Variants in MCOLN2 observed in about 807,000 individuals in gnomAD.
The protein encoded by MCOLN2 is mucolipin TRP cation channel 2.
In MCOLN2, 57 loss-of-function variants were observed where a neutral mutation model predicts 67.5. That is an observed-to-expected ratio of 0.84 (90% confidence interval 0.68 to 1.05). The LOEUF (loss-of-function observed/expected upper bound fraction) is 1.05, where lower values mean the gene tolerates loss of function less well. Among genes scored for constraint, MCOLN2 ranks in the 50% least tolerant of loss-of-function variants. The probability of loss-of-function intolerance (pLI) is 0.00; values close to 1 mark genes in which losing one functional copy is unlikely to be tolerated. For missense variants in MCOLN2, 620 were observed against 678.8 expected (o/e 0.91, Z 0.96); for synonymous variants, 246 against 233.3 (o/e 1.05, Z -0.50).
intron 6 of MCOLN2, among the ~76,000 whole-genome samples, chr1:84,950,127 G>A (rs1409279657): frequency 6.6e-6 from 1 of 152,120 alleles, no homozygotes; most frequent in Non-Finnish European, 1.5e-5. Context: ...TACAATTAGA[G>A]GCTAAGGAAC....
chr1:84,983,175 T>C (rs1340785062), intron 1 of MCOLN2, among the ~76,000 whole-genome samples: 1 of 152,204 alleles, frequency 6.6e-6, no homozygotes, highest in Non-Finnish European at 1.5e-5. Flanking sequence ...GCAACCCAAA[T>C]CTGTGTGGCT....
chr1:84,938,024 C>G lies in MCOLN2; in HGVS notation c.1169G>C (p.Trp390Ser). 6.2e-7 allele frequency: 1 copy of G among 1,614,030 alleles called. No homozygotes were observed. The highest frequency in any genetic ancestry group is 8.5e-7 in the Non-Finnish European group (1 of 1,179,964). ...ACCCAGGTATCTGATGACTCCAACC[C>G]AAACCAAGAGCGTAGAGGTTCCAAG... ...IFLGTSTLLV[W>S]VGVIRYLGYF... Residue 390 changes from tryptophan (W) to serine (S), a missense_variant, in exon 10 of 14, where the codon TGG (tryptophan) becomes TCG (serine). Physicochemically the swap from Trp to Ser is radical, Grantham distance 177 (BLOSUM62 -3). Transcript: ENST00000370608.
Position 84,939,631 on chromosome 1 carries a change from G to A in MCOLN2, c.1032C>T (p.Asn344=), listed in dbSNP as rs201486818. 75 of 1,613,972 alleles carry A rather than the reference G, an allele frequency of 4.6e-5. No individual in the cohort carries two copies. In the East Asian group the frequency reaches 4.7e-4, roughly 10 times the overall value. The change falls in exon 9 of 14, where the codon AAC becomes AAT. Residue 344 remains asparagine, a synonymous_variant. Coordinates refer to ENST00000370608, the MANE Select transcript of MCOLN2 (RefSeq NM_153259.4). ...TGATAATCACCAGGACATACCAGCC[G>A]TTGATGAACTCCCACTGGTCGGTGT... The part of the protein sequence containing the change: ...VCDTDQWEFI[N]GWYVLVIISD...
intron 12 of MCOLN2, chr1:84,929,923 AG>A: frequency 3.7e-6 from 1 of 272,398 alleles, no homozygotes; most frequent in East Asian, 6.9e-5. Context: ...AGCCAGGGAG[AG>A]GTTTTTTTTA....
intron 3 of MCOLN2, among the ~76,000 whole-genome samples, chr1:84,957,645 G>A (rs1404141398): frequency 2.0e-5 from 3 of 152,052 alleles, no homozygotes; most frequent in Non-Finnish European, 2.9e-5. Flanking sequence ...CCTCACCCAA[G>A]GCAAGATGGC....
rs74670650 is a variant in MCOLN2 at position 84,939,543 on chromosome 1, C to T, written c.1110+10G>A. 4.0e-3 allele frequency: 6,494 copies of T among 1,612,854 alleles called. 234 individuals are homozygous for T. The African/African-American group carries it at 0.076, about 19-fold the overall frequency. On this transcript the variant is annotated intron_variant, in intron 9 of 13. Transcript: ENST00000370608. Reference sequence around the variant, plus strand: ...ATGAAGAACAGAGACTTTAAATGGGCTTCCCTCACCTTTGCTTTGATTTCC... The same window carrying T: ...ATGAAGAACAGAGACTTTAAATGGGTTTCCCTCACCTTTGCTTTGATTTCC...
At chr1:84,941,417 A>C (rs571229527) in intron 7 of MCOLN2, among the ~76,000 whole-genome samples, 5 of 152,352 alleles carry the variant, frequency 3.3e-5, no homozygotes, top group South Asian at 2.1e-4. Context: ...GAATGGCATG[A>C]AGCCGGGAGG....
chr1:84,963,550 C>T (rs1179735680), intron 2 of MCOLN2, among the ~76,000 whole-genome samples: 3 of 151,950 alleles, frequency 2.0e-5, no homozygotes, highest in Non-Finnish European at 4.4e-5. Flanking sequence ...AATTGTAATC[C>T]CCAATGTTGC....
At chr1:84,964,622 A>G (rs1224078994) in intron 2 of MCOLN2, among the ~76,000 whole-genome samples, 1 of 152,122 alleles carries the variant, frequency 6.6e-6, no homozygotes, top group Non-Finnish European at 1.5e-5. Context: ...ATATAATGAA[A>G]CAATTATACA....
chr1:84,980,798 T>C (rs1650216677), intron 1 of MCOLN2, among the ~76,000 whole-genome samples: 1 of 152,016 alleles, frequency 6.6e-6, no homozygotes, highest in African/African-American at 2.4e-5. Flanking sequence ...AAAGCAAACA[T>C]GAACGAATGG....
At chr1:84,958,359 C>A (rs780036311) in intron 3 of MCOLN2, among the ~76,000 whole-genome samples, 170 bp downstream of exon 3, 3 of 152,148 alleles carry the variant, frequency 2.0e-5, no homozygotes, top group Non-Finnish European at 2.9e-5. Context: ...AATAGGCAAA[C>A]TCTTTTGTGT....
intron 13 of MCOLN2, among the ~76,000 whole-genome samples, chr1:84,929,151 G>A (rs1304669862): frequency 6.6e-6 from 1 of 152,212 alleles, no homozygotes. Flanking sequence ...TCGCAAGGAA[G>A]TTTCCTGCTC....
intron 4 of MCOLN2, among the ~76,000 whole-genome samples, chr1:84,955,506 C>T (rs1243636560): frequency 1.3e-5 from 2 of 152,152 alleles, no homozygotes; most frequent in African/African-American, 4.8e-5. Context: ...GATGTTACAA[C>T]AGAGAAATGA....
intron 6 of MCOLN2, among the ~76,000 whole-genome samples, chr1:84,950,368 A>G (rs1237218290): frequency 1.3e-5 from 2 of 152,250 alleles, no homozygotes; most frequent in Non-Finnish European, 2.9e-5. Flanking sequence ...AACCTTTGAA[A>G]GAACACAAAT....
At chr1:84,989,907 T>C (rs1474512218) in intron 1 of MCOLN2, among the ~76,000 whole-genome samples, 3 of 152,166 alleles carry the variant, frequency 2.0e-5, no homozygotes, top group African/African-American at 7.2e-5. Context: ...TAAAAACCTA[T>C]CTTAATTTTT....
In MCOLN2 at chr1:84,938,189, C is replaced by T. The variant is rs561704706; in HGVS notation, c.1111-107G>A. The T allele has an allele frequency of 4.1e-5, 24 of 586,550 alleles. No individual in the cohort carries two copies. The Admixed American group carries it at 4.8e-4, about 12-fold the overall frequency. The allele number at this position is 586,550 out of a possible 1,614,324, so 36.3% of individuals were successfully genotyped here. On this transcript the variant is annotated intron_variant, in intron 9 of 13. Transcript: ENST00000370608. ...TAATAAAAAAAGAACTATCTGCCTCCCTATAGGTGATAGAGTTTTTTTTTG... is the reference window on the plus strand; with the variant it reads ...TAATAAAAAAAGAACTATCTGCCTCTCTATAGGTGATAGAGTTTTTTTTTG...
intron 2 of MCOLN2, 69 bp from the exon 3 acceptor site, chr1:84,958,771 C>T: frequency 8.5e-7 from 1 of 1,181,016 alleles, no homozygotes; most frequent in East Asian, 2.5e-5. Flanking sequence ...TGTCTTCTCA[C>T]TATCATCAAC....
At chr1:84,950,689 G>A (rs993532146) in intron 6 of MCOLN2, among the ~76,000 whole-genome samples, 2 of 152,182 alleles carry the variant, frequency 1.3e-5, no homozygotes, top group East Asian at 3.8e-4. Flanking sequence ...CACTGGCAGA[G>A]CTTGGAGAGC....
intron 4 of MCOLN2, among the ~76,000 whole-genome samples, chr1:84,955,477 T>G (rs927853255): frequency 2.0e-5 from 3 of 152,124 alleles, no homozygotes; most frequent in African/African-American, 7.2e-5. Context: ...AGAGCCTGGC[T>G]TGCTCAGCAA....
Sources: gnomAD v4.1 joint callset for allele counts (sites outside exome capture counted in the v4.1 genomes callset) on GRCh38, gnomAD v4.1.1 for gene constraint, MANE v1.5 for transcripts, NCBI Gene and HGNC (gene_info 2026-07-23, HGNC 2026-07-21) for gene names.